SAXO1: variants seen among roughly 807,000 people sequenced by gnomAD.
The protein encoded by SAXO1 is 4930500O09Rik.
In SAXO1, 21 loss-of-function variants were observed where a neutral mutation model predicts 17.5. The observed-to-expected ratio is 1.20, with a 90% CI of 0.85 to 1.72. The LOEUF is 1.72. Among genes scored for constraint, SAXO1 ranks in the 40% most tolerant of loss-of-function variants. The pLI is 0.00. For missense variants in SAXO1, 843 were observed against 596.0 expected, an observed-to-expected ratio of 1.41 and a Z score of -4.32; for synonymous variants, 274 against 216.5, an observed-to-expected ratio of 1.27 and a Z score of -2.33.
chr9:19,010,823 G>C (rs76014181), intron 1 of SAXO1, among the ~76,000 whole-genome samples: 1,691 of 152,176 alleles, frequency 0.011, 23 homozygotes, highest in African/African-American at 0.039. Context: ...TTTCTCAATA[G>C]GACCACATAA....
At chr9:19,016,263 C>A (rs896938007) in intron 1 of SAXO1, among the ~76,000 whole-genome samples, 1 of 152,088 alleles carries the variant, frequency 6.6e-6, no homozygotes, top group Non-Finnish European at 1.5e-5. Flanking sequence ...TGGTGAAACC[C>A]TGTCTCTACT....
intron 1 of SAXO1, among the ~76,000 whole-genome samples, chr9:18,989,296 G>T (rs951330779): frequency 2.0e-5 from 3 of 152,078 alleles, no homozygotes; most frequent in East Asian, 1.9e-4. Flanking sequence ...CTCCTACATC[G>T]GATACCAAGT....
intron 1 of SAXO1, among the ~76,000 whole-genome samples, chr9:19,012,075 A>C (rs546921051): frequency 1.3e-5 from 2 of 151,582 alleles, no homozygotes; most frequent in African/African-American, 4.8e-5. Context: ...CGATCTCTTG[A>C]CCTCATGATC....
chr9:18,931,662 C>G (rs532832799), intron 3 of SAXO1, among the ~76,000 whole-genome samples: 7 of 152,338 alleles, frequency 4.6e-5, no homozygotes, highest in African/African-American at 1.7e-4. Context: ...TCTCATTTCT[C>G]CACATCCTTG....
In SAXO1 at chr9:19,028,683, G is replaced by T. The variant is rs899038894; in HGVS notation, c.38+4188C>A. On this transcript the variant is annotated intron_variant, in intron 1 of 3. Transcript: ENST00000380534. Reference sequence around the variant, plus strand: ...GTAATAATTCCAATTGCAAGATTTTGATCTTCAAGGAAAGAAGTAGAGCAT... The same window carrying T: ...GTAATAATTCCAATTGCAAGATTTTTATCTTCAAGGAAAGAAGTAGAGCAT... Among the ~76,000 whole-genome samples the T allele has an allele frequency of 3.3e-5, 5 of 152,254 alleles. 1 individual carries two copies. The highest frequency in any genetic ancestry group is 1.3e-4 in the Admixed American group (2 of 15,302).
chr9:18,999,182 C>T (rs917246287), intron 1 of SAXO1, among the ~76,000 whole-genome samples: 10 of 152,234 alleles, frequency 6.6e-5, no homozygotes, highest in African/African-American at 2.4e-4. Context: ...AGAGTCAAGA[C>T]CTACCTGTGT....
At chr9:18,941,955 C>G in intron 2 of SAXO1, 116 bp from the exon 3 acceptor site, 1 of 907,094 alleles carries the variant, frequency 1.1e-6, no homozygotes, top group Non-Finnish European at 1.7e-6. Context: ...CTCTACCTGC[C>G]TTCCCTCCTC....
intron 1 of SAXO1, among the ~76,000 whole-genome samples, chr9:18,960,451 C>G (rs1250119787): frequency 6.6e-6 from 1 of 152,124 alleles, no homozygotes; most frequent in Non-Finnish European, 1.5e-5. Flanking sequence ...TTTCAGAAAT[C>G]CCTCCTACCA....
intron 1 of SAXO1, among the ~76,000 whole-genome samples, chr9:19,028,562 A>T (rs1460989956): frequency 1.3e-5 from 2 of 152,256 alleles, no homozygotes; most frequent in African/African-American, 4.8e-5. Context: ...AGTTTCAAAA[A>T]AAATTTAGAT....
intron 1 of SAXO1, among the ~76,000 whole-genome samples, chr9:19,048,632 G>C (rs1836278254): frequency 6.6e-6 from 1 of 152,198 alleles, no homozygotes; most frequent in African/African-American, 2.4e-5. Context: ...TAGGCAAATA[G>C]ACCGCAGCAA....
chr9:19,013,463 G>A (rs1588531550), intron 1 of SAXO1, among the ~76,000 whole-genome samples: 1 of 151,738 alleles, frequency 6.6e-6, no homozygotes, highest in African/African-American at 2.4e-5. Context: ...CAGGGCAAGA[G>A]CTGACCATTA....
chr9:19,007,968 C>G (rs535706071), intron 1 of SAXO1, among the ~76,000 whole-genome samples: 1 of 149,996 alleles, frequency 6.7e-6, no homozygotes, highest in South Asian at 2.1e-4. Flanking sequence ...CATTTACTAC[C>G]AGGTCTTTTT....
At chr9:18,935,470 G>A (rs1262411786) in intron 3 of SAXO1, among the ~76,000 whole-genome samples, 1 of 152,136 alleles carries the variant, frequency 6.6e-6, no homozygotes, top group Non-Finnish European at 1.5e-5. Context: ...TGATAGATGG[G>A]CTCCTCTCTG....
intron 1 of SAXO1, among the ~76,000 whole-genome samples, chr9:18,955,776 G>A (rs192880363): frequency 1.7e-4 from 26 of 151,902 alleles, no homozygotes; most frequent in Admixed American, 1.4e-3. Context: ...TGTCTTCAAG[G>A]CCCATCTTCA....
At chr9:19,005,415 T>C (rs1182582613) in intron 1 of SAXO1, among the ~76,000 whole-genome samples, 1 of 152,128 alleles carries the variant, frequency 6.6e-6, no homozygotes, top group Non-Finnish European at 1.5e-5. Context: ...AGTATGATAC[T>C]AGCATAAGGA....
At chr9:19,023,322 G>C (rs956963449) in intron 1 of SAXO1, among the ~76,000 whole-genome samples, 4 of 152,240 alleles carry the variant, frequency 2.6e-5, no homozygotes, top group Admixed American at 2.0e-4. Context: ...TCATTGCCTA[G>C]AACAGACCTT....
intron 1 of SAXO1, among the ~76,000 whole-genome samples, chr9:18,979,974 A>G (rs1227014411): frequency 6.6e-6 from 1 of 152,240 alleles, no homozygotes; most frequent in Non-Finnish European, 1.5e-5. Flanking sequence ...ACTTAGTGAC[A>G]GACTGTACTG....
At chr9:19,048,353 G>A (rs1338442177) in intron 1 of SAXO1, among the ~76,000 whole-genome samples, 1 of 152,086 alleles carries the variant, frequency 6.6e-6, no homozygotes, top group African/African-American at 2.4e-5. Context: ...GCTATTTGGG[G>A]GACTGAGGCA....
intron 1 of SAXO1, among the ~76,000 whole-genome samples, chr9:19,043,429 G>T (rs1366857745): frequency 7.2e-5 from 11 of 151,950 alleles, no homozygotes. Flanking sequence ...AGCGGGAGGT[G>T]GAGATGGTTA....
Sources: allele counts gnomAD v4.1 joint callset (sites outside exome capture counted in the v4.1 genomes callset), GRCh38; gene constraint gnomAD v4.1.1; transcripts MANE v1.5; gene names NCBI Gene and HGNC (gene_info 2026-07-23, HGNC 2026-07-21).